Variants in KYNU observed in about 807,000 individuals in gnomAD.
KYNU encodes kynureninase.
A neutral mutation model predicts 59.2 loss-of-function variants in KYNU; 54 were observed. That is an observed-to-expected ratio of 0.91 (90% CI 0.73 to 1.14). KYNU has a LOEUF of 1.14. Among genes scored for constraint, KYNU ranks in the 50% most tolerant of loss-of-function variants. KYNU has a pLI of 0.00. For missense variants in KYNU, 567 were observed against 554.4 expected (o/e 1.02, Z -0.23); for synonymous variants, 177 against 192.0 (o/e 0.92, Z 0.65).
intron 10 of KYNU, among the ~76,000 whole-genome samples, chr2:143,003,234 A>G (rs73964622): frequency 1.0e-3 from 155 of 152,324 alleles, no homozygotes; most frequent in African/African-American, 3.6e-3. Flanking sequence ...AACTTAAGAT[A>G]GCTGTCCAAT....
intron 10 of KYNU, among the ~76,000 whole-genome samples, chr2:143,013,524 T>C (rs532189611): frequency 1.6e-4 from 24 of 152,272 alleles, no homozygotes; most frequent in Middle Eastern, 3.4e-3. Flanking sequence ...AATTTGATAG[T>C]TTTAAAGAAA....
chr2:142,911,786 T>C (rs1444492679), intron 2 of KYNU, among the ~76,000 whole-genome samples: 1 of 152,186 alleles, frequency 6.6e-6, no homozygotes, highest in Non-Finnish European at 1.5e-5. Context: ...AAGCTTTTTC[T>C]ACATCTATTG....
intron 8 of KYNU, among the ~76,000 whole-genome samples, chr2:142,977,271 C>G (rs1347317899): frequency 6.6e-6 from 1 of 150,480 alleles, no homozygotes; most frequent in African/African-American, 2.5e-5. Context: ...TTTCTACCAT[C>G]TGAATTTTTC....
intron 2 of KYNU, among the ~76,000 whole-genome samples, chr2:142,909,399 G>T (rs540231156): frequency 2.6e-5 from 4 of 151,934 alleles, no homozygotes; most frequent in Non-Finnish European, 4.4e-5. Flanking sequence ...GTGCAAGTTT[G>T]TTATATGGGT....
chr2:142,946,566 G>C (rs916130520), intron 4 of KYNU, among the ~76,000 whole-genome samples: 3 of 152,120 alleles, frequency 2.0e-5, no homozygotes, highest in Admixed American at 1.3e-4. Flanking sequence ...CTGAGCATTA[G>C]GTCTCAACAG....
At chr2:142,947,408 G>C in intron 4 of KYNU, 1 of 607,442 alleles carries the variant, frequency 1.6e-6, no homozygotes, top group Non-Finnish European at 2.7e-6. Flanking sequence ...CGGAATAAAA[G>C]CTAATGTCCC....
chr2:142,901,423 AATG>A (rs1682084196), intron 2 of KYNU, among the ~76,000 whole-genome samples: 2 of 152,086 alleles, frequency 1.3e-5, no homozygotes, highest in African/African-American at 2.4e-5. Context: ...AAGCATTTTT[AATG>A]GAGAGTTCTG....
chr2:142,976,036 C>T (rs184102439), intron 8 of KYNU, among the ~76,000 whole-genome samples: 21 of 152,078 alleles, frequency 1.4e-4, no homozygotes, highest in African/African-American at 2.9e-4. Flanking sequence ...GAATTTACCA[C>T]GACAGTCATA....
chr2:142,885,887 C>T (rs1372960013), intron 2 of KYNU, among the ~76,000 whole-genome samples: 1 of 152,150 alleles, frequency 6.6e-6, no homozygotes, highest in African/African-American at 2.4e-5. Flanking sequence ...GTTAGAATAG[C>T]TCTTATATTC....
At chr2:142,916,503 C>T (rs756580972) in intron 2 of KYNU, among the ~76,000 whole-genome samples, 4 of 152,122 alleles carry the variant, frequency 2.6e-5, no homozygotes, top group Non-Finnish European at 5.9e-5. Flanking sequence ...TTTGCCTTGC[C>T]TTGCTTAAAA....
At chr2:142,882,816 A>G (rs1681349294) in intron 1 of KYNU, among the ~76,000 whole-genome samples, 1 of 152,224 alleles carries the variant, frequency 6.6e-6, no homozygotes. Context: ...TTATAGCAGC[A>G]TGATTTATAA....
At chr2:142,897,770 A>T (rs1045334792) in intron 2 of KYNU, among the ~76,000 whole-genome samples, 1 of 152,330 alleles carries the variant, frequency 6.6e-6, no homozygotes, top group African/African-American at 2.4e-5. Context: ...TTAACCTACG[A>T]TATCTAAACA....
At chr2:142,911,460 G>T (rs1682477398) in intron 2 of KYNU, among the ~76,000 whole-genome samples, 1 of 152,272 alleles carries the variant, frequency 6.6e-6, no homozygotes, top group East Asian at 1.9e-4. Context: ...GAGAATTTTG[G>T]TGGAGTCTTT....
chr2:142,950,435 GCCTCA>G (rs1179371275), intron 4 of KYNU, among the ~76,000 whole-genome samples: 25 of 152,210 alleles, frequency 1.6e-4, no homozygotes, highest in African/African-American at 6.0e-4. Flanking sequence ...GGCTGGGGAA[GCCTCA>G]CAATCATGGC....
intron 10 of KYNU, among the ~76,000 whole-genome samples, chr2:143,011,177 A>G (rs1270957475): frequency 6.9e-6 from 1 of 144,922 alleles, no homozygotes; most frequent in African/African-American, 2.6e-5. Context: ...ACAAAGGGCT[A>G]ACATCCAGAA....
intron 10 of KYNU, among the ~76,000 whole-genome samples, chr2:143,028,350 T>C (rs1686639468): frequency 1.4e-5 from 2 of 147,508 alleles, no homozygotes; most frequent in Admixed American, 6.9e-5. Context: ...GTTCAAGCGA[T>C]TCTCCTGCCT....
intron 10 of KYNU, among the ~76,000 whole-genome samples, chr2:143,024,240 G>A (rs973923625): frequency 1.3e-5 from 2 of 151,854 alleles, no homozygotes; most frequent in Non-Finnish European, 2.9e-5. Flanking sequence ...GTAAAACTAT[G>A]TTAACTCCTC....
intron 10 of KYNU, among the ~76,000 whole-genome samples, chr2:142,992,824 T>C (rs1320196533): frequency 6.6e-6 from 1 of 152,020 alleles, no homozygotes; most frequent in Non-Finnish European, 1.5e-5. Flanking sequence ...AGATGAAAAA[T>C]AAATATAGGC....
At chr2:143,028,848 C>CAAACAAAACAAAACAAAACA (rs113934733) in intron 10 of KYNU, among the ~76,000 whole-genome samples, 1 of 149,824 alleles carries the variant, frequency 6.7e-6, no homozygotes, top group East Asian at 2.0e-4. Flanking sequence ...AACTCTGTCT[C>CAAACAAAACAAAACAAAACA]AAACAAAACA....
Sources: allele counts gnomAD v4.1 joint callset (sites outside exome capture counted in the v4.1 genomes callset), GRCh38; gene constraint gnomAD v4.1.1; transcripts MANE v1.5; gene names NCBI Gene and HGNC (gene_info 2026-07-23, HGNC 2026-07-21).